Variants in ASPRV1 observed in about 807,000 individuals in gnomAD.
ASPRV1 encodes the protein retroviral-like aspartic protease 1.
A neutral mutation model predicts 11.0 loss-of-function variants in ASPRV1; 7 were observed. The ratio of observed to expected loss-of-function variants is 0.64; its 90% confidence interval spans 0.36 to 1.20. The LOEUF (loss-of-function observed/expected upper bound fraction) is 1.20. Among genes scored for constraint, ASPRV1 ranks in the 50% most tolerant of loss-of-function variants. ASPRV1 has a pLI of 0.02. For synonymous variants in ASPRV1, 136 were observed against 138.4 expected (o/e 0.98, Z 0.12); for missense variants, 299 against 320.0 (o/e 0.93, Z 0.50).
chr2:69,996,692 G>A, the ASPRV1 span: 1 of 456,646 alleles, frequency 2.2e-6, no homozygotes, highest in Non-Finnish European at 4.4e-6. Flanking sequence ...TTACCAAATA[G>A]TAACTGGTTG....
the ASPRV1 span, among the ~76,000 whole-genome samples, chr2:69,948,736 C>T: frequency 2.6e-5 from 4 of 152,300 alleles, no homozygotes; most frequent in African/African-American, 7.2e-5. Context: ...CCGGACCCCA[C>T]GGAAGCCTCC....
the ASPRV1 span, chr2:69,937,509 T>C: frequency 1.9e-5 from 20 of 1,044,562 alleles, no homozygotes; most frequent in South Asian, 3.2e-4. Context: ...CTGGGTATGA[T>C]GTAGAGAAGT....
chr2:70,012,863 T>G, the ASPRV1 span, among the ~76,000 whole-genome samples: 1 of 152,348 alleles, frequency 6.6e-6, no homozygotes, highest in East Asian at 1.9e-4. Context: ...AAACTATGAT[T>G]ATTCAGACTT....
chr2:69,999,854 C>T, the ASPRV1 span, among the ~76,000 whole-genome samples: 2 of 151,678 alleles, frequency 1.3e-5, no homozygotes, highest in Non-Finnish European at 2.9e-5. Context: ...TGCCCTCCTC[C>T]GGGTCAGCAC....
At chr2:69,971,208 A>G in the ASPRV1 span, 34 of 152,278 alleles carry the variant, frequency 2.2e-4, no homozygotes, top group African/African-American at 8.2e-4. Context: ...TCATAGTAAG[A>G]AAGACATTTT....
At chr2:70,009,311 C>CTTATTTATTTAAT in the ASPRV1 span, among the ~76,000 whole-genome samples, 2 of 147,556 alleles carry the variant, frequency 1.4e-5, no homozygotes, top group African/African-American at 5.0e-5. Context: ...AATTTATTGT[C>CTTATTTATTTAAT]TTATTTATTT....
chr2:70,043,629 G>A, the ASPRV1 span, among the ~76,000 whole-genome samples: 1 of 152,262 alleles, frequency 6.6e-6, no homozygotes, highest in Non-Finnish European at 1.5e-5. Context: ...GAGACCAGAA[G>A]TTGTCCGTGA....
chr2:70,084,625 T>C, the ASPRV1 span, among the ~76,000 whole-genome samples: 1 of 152,236 alleles, frequency 6.6e-6, no homozygotes, highest in African/African-American at 2.4e-5. Context: ...TTATAATGTG[T>C]CCTTTTTATA....
the ASPRV1 span, among the ~76,000 whole-genome samples, chr2:70,062,080 G>A: frequency 6.6e-6 from 1 of 151,896 alleles, no homozygotes; most frequent in Non-Finnish European, 1.5e-5. Context: ...CTGATGTCAG[G>A]AGTTCGAGAC....
chr2:70,023,626 A>T, the ASPRV1 span, among the ~76,000 whole-genome samples: 4 of 151,986 alleles, frequency 2.6e-5, no homozygotes, highest in Non-Finnish European at 5.9e-5. Context: ...GTGAGCCAAG[A>T]ATGCAGCACT....
At chr2:69,977,839 A>G in the ASPRV1 span, among the ~76,000 whole-genome samples, 1,022 of 152,092 alleles carry the variant, frequency 6.7e-3, 9 homozygotes, top group African/African-American at 0.023. Flanking sequence ...CAGAGGGGGG[A>G]GTGAAGAAAA....
the ASPRV1 span, among the ~76,000 whole-genome samples, chr2:70,043,929 A>G: frequency 6.6e-6 from 1 of 152,132 alleles, no homozygotes; most frequent in Non-Finnish European, 1.5e-5. Flanking sequence ...CAGCACTGTC[A>G]GCTGCTTGTC....
At chr2:69,988,050 C>T in the ASPRV1 span, among the ~76,000 whole-genome samples, 14 of 152,344 alleles carry the variant, frequency 9.2e-5, no homozygotes, top group Admixed American at 6.5e-5. Flanking sequence ...AATCTGTGTG[C>T]ATTGCCAGTG....
the ASPRV1 span, among the ~76,000 whole-genome samples, chr2:70,063,203 G>A: frequency 6.6e-6 from 1 of 152,152 alleles, no homozygotes; most frequent in African/African-American, 2.4e-5. Flanking sequence ...AGGGACTAGC[G>A]CTACCCCTCA....
chr2:70,086,798 G>C, the ASPRV1 span, among the ~76,000 whole-genome samples: 24 of 152,374 alleles, frequency 1.6e-4, no homozygotes, highest in African/African-American at 4.8e-4. Context: ...ATTCTTTTTA[G>C]GACCACGTTT....
At chr2:70,041,640 A>C in the ASPRV1 span, among the ~76,000 whole-genome samples, 1 of 152,358 alleles carries the variant, frequency 6.6e-6, no homozygotes, top group Admixed American at 6.5e-5. Context: ...CTTGAGACTG[A>C]TGCTGAGATG....
chr2:69,967,674 C>A, the ASPRV1 span, among the ~76,000 whole-genome samples: 3 of 152,306 alleles, frequency 2.0e-5, no homozygotes, highest in Admixed American at 2.0e-4. Flanking sequence ...GTAGTAGAAT[C>A]ATGAATGATC....
chr2:70,050,375 T>G, the ASPRV1 span: 1 of 152,124 alleles, frequency 6.6e-6, no homozygotes, highest in Non-Finnish European at 1.5e-5. Context: ...AAGATTTAAA[T>G]TTAAAGATTA....
upstream of ASPRV1, among the ~76,000 whole-genome samples, chr2:69,965,212 C>A (rs996998037): frequency 6.6e-6 from 1 of 152,080 alleles, no homozygotes; most frequent in Non-Finnish European, 1.5e-5. Context: ...GCTAATTTTT[C>A]ATATTTTTAG....
Sources: gnomAD v4.1 joint callset for allele counts (sites outside exome capture counted in the v4.1 genomes callset) on GRCh38, gnomAD v4.1.1 for gene constraint, MANE v1.5 for transcripts, NCBI Gene and HGNC (gene_info 2026-07-23, HGNC 2026-07-21) for gene names.